VEZF1: variants seen among roughly 807,000 people sequenced by gnomAD.
VEZF1 encodes the protein vascular endothelial zinc finger 1.
In VEZF1, 5 loss-of-function variants were observed where a neutral mutation model predicts 44.1. That is an observed-to-expected ratio of 0.11 (90% CI 0.06 to 0.24). The LOEUF (loss-of-function observed/expected upper bound fraction) is 0.24. Among genes scored for constraint, VEZF1 ranks in the 10% least tolerant of loss-of-function variants. VEZF1 has a pLI of 1.00. For missense variants in VEZF1, 358 were observed against 641.8 expected, an observed-to-expected ratio of 0.56 and a Z score of 4.78; for synonymous variants, 236 against 233.1, an observed-to-expected ratio of 1.01 and a Z score of -0.11.
Position 57,979,000 on chromosome 17 carries a change from A to G in VEZF1, c.1138+152T>C, listed in dbSNP as rs920239312. On this transcript the variant is annotated intron_variant, in intron 5 of 5. Transcript: ENST00000581208. ...TCTGGACACTTTATTGCCAATAACT[A>G]TACTTTACCAGATATTTCCCAGCAT... 4 of 1,082,962 alleles carry G rather than the reference A, an allele frequency of 3.7e-6. 1 individual carries two copies. Among genetic ancestry groups the G allele is most frequent in the African/African-American group, 3.2e-5 (2 of 63,416 alleles). The allele number at this position is 1,082,962 out of a possible 1,614,324, so 67.1% of individuals were successfully genotyped here.
intron 1 of VEZF1, among the ~76,000 whole-genome samples, chr17:57,984,531 T>C (rs192561029): frequency 1.3e-5 from 2 of 152,316 alleles, no homozygotes; most frequent in African/African-American, 4.8e-5. Context: ...ATAAGATGCA[T>C]GCACTCAAGA....
intron 2 of VEZF1, among the ~76,000 whole-genome samples, chr17:57,982,440 A>T (rs949815040): frequency 1.3e-5 from 2 of 152,208 alleles, no homozygotes; most frequent in African/African-American, 4.8e-5. Flanking sequence ...ATAAGTATCC[A>T]TGTGCCAAAT....
intron 1 of VEZF1, among the ~76,000 whole-genome samples, chr17:57,987,163 T>C (rs2075302600): frequency 6.6e-6 from 1 of 152,210 alleles, no homozygotes; most frequent in Admixed American, 6.5e-5. Flanking sequence ...GGGGGCTTTG[T>C]AAGCGGACTT....
Position 57,972,117 on chromosome 17 carries a change from A to G in VEZF1, c.*2356T>C, listed in dbSNP as rs748153860. The G allele has an allele frequency of 2.0e-5, 3 of 152,676 alleles. No individual in the cohort carries two copies. Among genetic ancestry groups the G allele is most frequent in the Non-Finnish European group, 4.4e-5 (3 of 68,032 alleles). 9.5% of individuals were successfully genotyped at this position (152,676 alleles called of 1,614,324 possible). A position where few individuals can be genotyped will look rare whatever the true frequency, so the allele number is the denominator to read the frequency against. On this transcript the variant is annotated 3_prime_UTR_variant, in exon 6 of 6. Transcript: ENST00000581208. ...ATAGTATTTTAACTGAAGTCATACA[A>G]TGAAGTCTCACTCCTGTTTATTATA...
rs770811718 is a variant in VEZF1, at chr17:57,979,255, C to T, written c.1035G>A (p.Gln345=). The change falls in exon 5 of 6, where the codon CAG becomes CAA. Residue 345 remains glutamine, a synonymous_variant. Transcript: ENST00000581208. ...GTTGTTGTTGTTGTTGCTGCTGCTG[C>T]TGCTGCTGCTGCTGCTGCTGCTGCT... is the stretch of plus-strand genomic sequence containing the variant. ...QKQQQQQQQQ[Q]QQQQQQQQQH... The T allele has an allele frequency of 1.6e-5, 25 of 1,597,630 alleles. No homozygotes were observed. The highest frequency in any genetic ancestry group is 2.1e-5 in the Non-Finnish European group (24 of 1,167,104).
intron 1 of VEZF1, among the ~76,000 whole-genome samples, chr17:57,987,439 C>G (rs537697352): frequency 1.3e-5 from 2 of 152,122 alleles, no homozygotes; most frequent in Non-Finnish European, 2.9e-5. Flanking sequence ...GATACACACT[C>G]ACAACATCCG....
intron 5 of VEZF1, among the ~76,000 whole-genome samples, 166 bp downstream of exon 5, chr17:57,978,986 T>C (rs2075218879): frequency 6.6e-6 from 1 of 152,226 alleles, no homozygotes; most frequent in African/African-American, 2.4e-5. Context: ...CTGGACACTT[T>C]ATTGCCAATA....
intron 2 of VEZF1, among the ~76,000 whole-genome samples, chr17:57,982,468 G>A (rs140161645): frequency 4.6e-5 from 7 of 152,094 alleles, no homozygotes; most frequent in South Asian, 2.1e-4. Flanking sequence ...TGAGTCCACC[G>A]AGGCACTTGT....
rs1205810745 is a variant in VEZF1 at position 57,973,574 on chromosome 17, G to A, written c.*899C>T. The A allele has an allele frequency of 4.6e-5, 7 of 152,458 alleles. No individual in the cohort carries two copies. Among genetic ancestry groups the A allele is most frequent in the Admixed American group, 6.6e-5 (1 of 15,264 alleles). 9.4% of individuals were successfully genotyped at this position (152,458 alleles called of 1,614,324 possible). ...CATATCACATCCCAGTGCCTCCAGC[G>A]TCTTCCAATTTAAAGCAATATATTT... On this transcript the variant is annotated 3_prime_UTR_variant, in exon 6 of 6. Transcript: ENST00000581208.
At chr17:57,976,942 C>A (rs1411268835) in intron 5 of VEZF1, among the ~76,000 whole-genome samples, 1 of 152,230 alleles carries the variant, frequency 6.6e-6, no homozygotes, top group South Asian at 2.1e-4. Flanking sequence ...CCTCCTCCTC[C>A]GTGTTTTCTT....
In VEZF1 at chr17:57,973,782, T is replaced by C. The variant is rs1264298394; in HGVS notation, c.*691A>G. On this transcript the variant is annotated 3_prime_UTR_variant, in exon 6 of 6. Transcript: ENST00000581208. ...TTAAAAAGTCAACTACAATGCTATA[T>C]TCCATCGGGATTAATATGCTGAGCA... 6.6e-6 allele frequency: 1 copy of C among 152,496 alleles called. No individual in the cohort carries two copies. Among genetic ancestry groups the C allele is most frequent in the Non-Finnish European group, 1.5e-5 (1 of 68,052 alleles). The allele number at this position is 152,496 out of a possible 1,614,324, so 9.4% of individuals were successfully genotyped here.
At chr17:57,985,702 T>C (rs1170946815) in intron 1 of VEZF1, among the ~76,000 whole-genome samples, 1 of 152,224 alleles carries the variant, frequency 6.6e-6, no homozygotes, top group Non-Finnish European at 1.5e-5. Flanking sequence ...GGTAGTAGGA[T>C]ATGGCACCAT....
At chr17:57,980,516 A>G in intron 4 of VEZF1, 87 bp downstream of exon 4, 1 of 1,320,394 alleles carries the variant, frequency 7.6e-7, no homozygotes, top group South Asian at 1.3e-5. Flanking sequence ...ACGTAAGGTG[A>G]ATATTAATAC....
Position 57,981,885 on chromosome 17 carries a change from G to A in VEZF1, c.780C>T (p.Pro260=). 6.2e-7 allele frequency: 1 copy of A among 1,614,136 alleles called. No homozygotes were observed. The change falls in exon 3 of 6, where the codon CCC becomes CCT. Residue 260 remains proline (P), a synonymous_variant. Transcript: ENST00000581208. Reference sequence around the variant, plus strand: ...TTTTAACTCTTACTTGGCATTTGAAGGGTCTTTCTGTTGAATGGACATGTT... The same window carrying A: ...TTTTAACTCTTACTTGGCATTTGAAAGGTCTTTCTGTTGAATGGACATGTT... ...HVKHVHSTER[P]FKCQTCTAAF...
At chr17:57,977,674 G>A (rs1336822774) in intron 5 of VEZF1, among the ~76,000 whole-genome samples, 2 of 151,916 alleles carry the variant, frequency 1.3e-5, no homozygotes, top group African/African-American at 4.8e-5. Flanking sequence ...GAGAAACCCT[G>A]TCTCTACTAA....
chr17:57,982,940 C>A lies in VEZF1; in HGVS notation c.487G>T (p.Val163Phe). The A allele has an allele frequency of 1.2e-6, 2 of 1,614,184 alleles. No homozygotes were observed. The highest frequency in any genetic ancestry group is 1.7e-6 in the Non-Finnish European group (2 of 1,180,030). ...STTAMPVTQS[V>F]KKPSKPVKKN... ...TTGACAGGCTTACTGGGTTTCTTGACAGACTGGGTCACTGGCATAGCTGTG... is the reference window on the plus strand; with the variant it reads ...TTGACAGGCTTACTGGGTTTCTTGAAAGACTGGGTCACTGGCATAGCTGTG... The change falls in exon 2 of 6, where the codon GTC becomes TTC. Residue 163 changes from valine (V) to phenylalanine (F), a missense_variant. Physicochemically the swap from Val to Phe is conservative, Grantham distance 50. This residue lies in a region of VEZF1 where 117 missense variants were observed against 207.2 expected (regional missense o/e 0.56). Coordinates refer to ENST00000581208, the MANE Select transcript of VEZF1 (RefSeq NM_007146.3).
Position 57,983,355 on chromosome 17 carries a change from C to T in VEZF1, c.72G>A (p.Gln24=). Residue 24 remains glutamine, a synonymous_variant, in exon 2 of 6, where the codon CAG becomes CAA. Transcript: ENST00000581208. ...AGCTCAGGAGGGGCAGCAAGCTGTT[C>T]TGTGCTGCCTGCTGTTGGTGATGGG... ...EASHHQQQAA[Q]NSLLPLLSSA... is the part of the protein sequence containing the mutation. 2 of 1,612,400 alleles carry T rather than the reference C, an allele frequency of 1.2e-6. No homozygotes were observed. The highest frequency in any genetic ancestry group is 8.5e-7 in the Non-Finnish European group (1 of 1,179,520).
intron 1 of VEZF1, among the ~76,000 whole-genome samples, chr17:57,985,802 T>A (rs983269324): frequency 1.3e-5 from 2 of 152,322 alleles, no homozygotes; most frequent in African/African-American, 4.8e-5. Flanking sequence ...AGAAGAATCA[T>A]CCATCAAACA....
intron 4 of VEZF1, 52 bp downstream of exon 4, chr17:57,980,551 A>G (rs1248338790): frequency 2.6e-6 from 4 of 1,528,188 alleles, no homozygotes; most frequent in Admixed American, 1.7e-5. Flanking sequence ...GAAAACATGC[A>G]TATTTCACCC....
Sources: gnomAD v4.1 joint callset for allele counts (sites outside exome capture counted in the v4.1 genomes callset) on GRCh38, gnomAD v4.1.1 for gene constraint, gnomAD v4.1.1 regional missense constraint, MANE v1.5 for transcripts, NCBI Gene and HGNC (gene_info 2026-07-23, HGNC 2026-07-21) for gene names.